The following ACSS3 variants were observed in gnomAD, a reference collection of about 807,000 sequenced individuals.
ACSS3 encodes acyl-CoA synthetase short chain family member 3, also known as acyl-CoA synthetase short-chain family member 3, mitochondrial.
ACSS3 carries 64 observed loss-of-function variants against 84.2 expected under a neutral mutation model. That is an observed-to-expected ratio of 0.76 (90% CI 0.62 to 0.94). ACSS3 has a LOEUF of 0.94. ACSS3 is among the 40% of genes least tolerant of loss of function. ACSS3 has a pLI of 0.00. For missense variants in ACSS3, 815 were observed against 867.6 expected (o/e 0.94, Z 0.76); for synonymous variants, 317 against 310.1 (o/e 1.02, Z -0.23).
At chr12:81,181,917 G>A (rs990883699) in intron 8 of ACSS3, among the ~76,000 whole-genome samples, 3 of 152,138 alleles carry the variant, frequency 2.0e-5, no homozygotes, top group East Asian at 1.9e-4. Flanking sequence ...TTTATGGGAC[G>A]TCATTAAGTG....
intron 13 of ACSS3, among the ~76,000 whole-genome samples, chr12:81,246,203 T>C (rs1214174613): frequency 1.3e-5 from 2 of 152,060 alleles, no homozygotes; most frequent in African/African-American, 4.8e-5. Context: ...ACAGCTAGTG[T>C]GGAGAAGGGA....
intron 9 of ACSS3, among the ~76,000 whole-genome samples, chr12:81,213,851 C>CTCTCT (rs1555181629): frequency 0.04 from 2,396 of 60,640 alleles, 122 homozygotes; most frequent in African/African-American, 0.062. Context: ...CTCTCCTCTC[C>CTCTCT]TCTCTTCTCT....
At chr12:81,203,748 A>G (rs1186211506) in intron 9 of ACSS3, among the ~76,000 whole-genome samples, 2 of 152,194 alleles carry the variant, frequency 1.3e-5, no homozygotes, top group Admixed American at 6.5e-5. Flanking sequence ...TCAAGTTTAG[A>G]GAGGAGAGTT....
At chr12:81,125,653 C>CTT (rs35669397) in intron 2 of ACSS3, 3 of 152,066 alleles carry the variant, frequency 2.0e-5, no homozygotes, top group South Asian at 4.1e-4. Context: ...CGCCAATGGC[C>CTT]TTTTTTGCCA....
chr12:81,171,781 A>G (rs2030062327), intron 7 of ACSS3, among the ~76,000 whole-genome samples: 3 of 152,188 alleles, frequency 2.0e-5, no homozygotes, highest in Admixed American at 6.5e-5. Context: ...ATGTATCCTT[A>G]GGAGATTTTA....
intron 10 of ACSS3, among the ~76,000 whole-genome samples, chr12:81,217,710 G>A (rs2032972029): frequency 2.0e-5 from 3 of 152,076 alleles, no homozygotes; most frequent in Non-Finnish European, 2.9e-5. Flanking sequence ...GGGTGTGGTG[G>A]TGTGCGCCTC....
Position 81,179,429 on chromosome 12 carries a change from C to CAGATCT in ACSS3, c.1250+4490_1250+4491insAGATCT, listed in dbSNP as rs1593166406. 2.6e-5 allele frequency among the ~76,000 whole-genome samples: 4 copies of CAGATCT among 151,936 alleles called. No homozygotes were observed. In the East Asian group the frequency reaches 7.7e-4, roughly 29 times the overall value. ...TGGGAGACAATATCTGCCAACTACG[C>CAGATCT]GTCAGAGAAAGATCTAATATCTGGA... On this transcript the variant is annotated intron_variant, in intron 8 of 15. Transcript: ENST00000548058.
chr12:81,179,310 A>C (rs1171728089), intron 8 of ACSS3, among the ~76,000 whole-genome samples: 1 of 55,916 alleles, frequency 1.8e-5, no homozygotes, highest in Admixed American at 1.8e-4. Context: ...AAAAAAACAC[A>C]AAAAAAACCC....
intron 2 of ACSS3, among the ~76,000 whole-genome samples, chr12:81,129,275 G>A (rs918846105): frequency 2.0e-5 from 3 of 152,036 alleles, no homozygotes; most frequent in African/African-American, 7.2e-5. Context: ...GGGAACTATG[G>A]TGTAAGCATA....
At chr12:81,185,805 T>C (rs1386171475) in intron 8 of ACSS3, among the ~76,000 whole-genome samples, 2 of 151,756 alleles carry the variant, frequency 1.3e-5, no homozygotes, top group Non-Finnish European at 3.0e-5. Flanking sequence ...ACAGATTCAA[T>C]GCAATCCCTA....
chr12:81,135,384 A>G (rs1885742711), intron 3 of ACSS3, among the ~76,000 whole-genome samples: 1 of 134,800 alleles, frequency 7.4e-6, no homozygotes. Flanking sequence ...TATATAATAT[A>G]TAATACAATA....
chr12:81,175,419 G>A (rs2030399659), intron 8 of ACSS3, among the ~76,000 whole-genome samples: 1 of 152,102 alleles, frequency 6.6e-6, no homozygotes, highest in African/African-American at 2.4e-5. Context: ...AATAATAGTG[G>A]GAGACATCAG....
chr12:81,230,315 T>G (rs1223628061), intron 11 of ACSS3, among the ~76,000 whole-genome samples: 1 of 151,892 alleles, frequency 6.6e-6, no homozygotes, highest in Non-Finnish European at 1.5e-5. Flanking sequence ...CATTTATTTA[T>G]GTAAACACAG....
chr12:81,144,334 C>T (rs1472114250), intron 5 of ACSS3, among the ~76,000 whole-genome samples: 1 of 152,184 alleles, frequency 6.6e-6, no homozygotes, highest in Non-Finnish European at 1.5e-5. Flanking sequence ...TACGTAGATG[C>T]ATGCACATGA....
At chr12:81,128,621 G>C (rs1415704622) in intron 2 of ACSS3, among the ~76,000 whole-genome samples, 18 of 152,024 alleles carry the variant, frequency 1.2e-4, no homozygotes, top group Admixed American at 1.0e-3. Flanking sequence ...ATGTGAATTG[G>C]GTGAACGGCA....
intron 4 of ACSS3, among the ~76,000 whole-genome samples, chr12:81,141,968 A>C (rs555983483): frequency 2.0e-5 from 3 of 152,330 alleles, no homozygotes; most frequent in African/African-American, 7.2e-5. Context: ...TCATACAGGT[A>C]TCATATTCAT....
At chr12:81,211,268 CT>C (rs889917912) in intron 9 of ACSS3, among the ~76,000 whole-genome samples, 8 of 151,222 alleles carry the variant, frequency 5.3e-5, no homozygotes, top group East Asian at 3.9e-4. Flanking sequence ...TCAGGAGCCT[CT>C]TTTTTTTTAA....
chr12:81,155,913 A>G (rs1489804306), intron 7 of ACSS3, among the ~76,000 whole-genome samples: 1 of 152,198 alleles, frequency 6.6e-6, no homozygotes, highest in African/African-American at 2.4e-5. Context: ...GATTTAATTG[A>G]CATTCATAGA....
chr12:81,212,686 T>C (rs750147466), intron 9 of ACSS3, among the ~76,000 whole-genome samples: 1 of 152,234 alleles, frequency 6.6e-6, no homozygotes, highest in African/African-American at 2.4e-5. Context: ...TATAGCATAA[T>C]TCATATTGGA....
Sources: gnomAD v4.1 joint callset for allele counts (sites outside exome capture counted in the v4.1 genomes callset) on GRCh38, gnomAD v4.1.1 for gene constraint, MANE v1.5 for transcripts, NCBI Gene and HGNC (gene_info 2026-07-23, HGNC 2026-07-21) for gene names.